Variants in SNRNP27 observed in about 807,000 individuals in gnomAD.
SNRNP27 encodes the protein U4/U6.U5 small nuclear ribonucleoprotein 27 kDa protein.
Under a neutral mutation model 25.1 loss-of-function variants are expected in SNRNP27, and 22 were observed. The ratio of observed to expected loss-of-function variants is 0.88; its 90% CI spans 0.63 to 1.25. The LOEUF (loss-of-function observed/expected upper bound fraction) is 1.25, where lower values mean the gene tolerates loss of function less well. Among genes scored for constraint, SNRNP27 ranks in the 50% most tolerant of loss-of-function variants. The pLI, the probability that SNRNP27 is intolerant of heterozygous loss-of-function variation, is 0.00. For synonymous variants in SNRNP27, 66 were observed against 64.9 expected (o/e 1.02, Z -0.08); for missense variants, 150 against 202.3 (o/e 0.74, Z 1.57).
At chr2:69,899,434 A>T (rs1438969210) in intron 4 of SNRNP27, among the ~76,000 whole-genome samples, 3 of 150,906 alleles carry the variant, frequency 2.0e-5, no homozygotes, top group African/African-American at 7.3e-5. Context: ...TTTTTATTTT[A>T]ATTTTATTTT....
At chr2:69,896,259 T>TAA (rs1426898633) in intron 2 of SNRNP27, among the ~76,000 whole-genome samples, 177 bp from the exon 3 acceptor site, 2 of 152,240 alleles carry the variant, frequency 1.3e-5, no homozygotes, top group African/African-American at 2.4e-5. Flanking sequence ...GATTAAGCAG[T>TAA]AAACTACATT....
chr2:69,895,972 T>G (rs1055841120), intron 2 of SNRNP27, among the ~76,000 whole-genome samples: 1 of 111,378 alleles, frequency 9.0e-6, no homozygotes, highest in Non-Finnish European at 1.7e-5. Context: ...TTTTTTTGGT[T>G]TGTTTTTTTT....
At chr2:69,902,259 C>G (rs1676712744) in intron 4 of SNRNP27, among the ~76,000 whole-genome samples, 1 of 148,134 alleles carries the variant, frequency 6.8e-6, no homozygotes, top group Non-Finnish European at 1.5e-5. Flanking sequence ...CTCCTTCCTT[C>G]TTTCTTCTCC....
intron 2 of SNRNP27, 70 bp downstream of exon 2, chr2:69,895,284 C>T (rs1354106787): frequency 6.4e-7 from 1 of 1,565,486 alleles, no homozygotes. Context: ...CAGCTCTTAA[C>T]TTTGTTTTCA....
chr2:69,893,980 T>A lies in SNRNP27; in HGVS notation c.-5T>A. ...CACAGTTGTTTCCGGGAAGCGGGAC[T>A]CCAAATGGGTCGCAGTCGCAGCCGC... is the stretch of plus-strand genomic sequence containing the variant. On this transcript the variant is annotated 5_prime_UTR_variant, in exon 1 of 6. Transcript: ENST00000244227. The A allele has an allele frequency of 6.2e-7, 1 of 1,614,048 alleles. No individual in the cohort carries two copies. Among genetic ancestry groups the A allele is most frequent in the Non-Finnish European group, 8.5e-7 (1 of 1,179,930 alleles).
intron 4 of SNRNP27, among the ~76,000 whole-genome samples, chr2:69,900,396 A>G (rs912028235): frequency 9.2e-5 from 14 of 152,196 alleles, no homozygotes; most frequent in Non-Finnish European, 2.1e-4. Context: ...TGTGCCCAAG[A>G]CCAGTCTTTC....
rs867609197 is a variant in SNRNP27, at chr2:69,904,541, C to T, written c.*233C>T. 3 of 590,610 alleles carry T rather than the reference C, an allele frequency of 5.1e-6. No homozygotes were observed. The African/African-American group carries it at 5.7e-5, about 11-fold the overall frequency. The allele number at this position is 590,610 out of a possible 1,614,324, so 36.6% of individuals were successfully genotyped here. On this transcript the variant is annotated 3_prime_UTR_variant, in exon 6 of 6. Coordinates refer to ENST00000244227, the MANE Select transcript of SNRNP27 (RefSeq NM_006857.3). ...TATCATTTGTGGCAGGCGTCAACCC[C>T]ATTTTATTTGTCCTTATTCCTGTGG... is the stretch of plus-strand genomic sequence containing the variant.
Position 69,905,232 on chromosome 2 carries a change from A to G in SNRNP27, c.*924A>G, listed in dbSNP as rs1022760748. The G allele has an allele frequency of 3.3e-5, 5 of 152,192 alleles. No homozygotes were observed. The highest frequency in any genetic ancestry group is 7.4e-5 in the Non-Finnish European group (5 of 68,024). 9.4% of individuals were successfully genotyped at this position (152,192 alleles called of 1,614,324 possible). A position where few individuals can be genotyped will look rare whatever the true frequency, so the allele number is the denominator to read the frequency against. The stretch of plus-strand genomic sequence containing the variant: ...TGTGACTACTATCTGTCTCCATTAC[A>G]TACATATTTTTGTATGTTTCATTAT... On this transcript the variant is annotated 3_prime_UTR_variant, in exon 6 of 6. Transcript: ENST00000244227.
At chr2:69,898,851 A>C (rs764366451) in intron 4 of SNRNP27, among the ~76,000 whole-genome samples, 13 of 152,216 alleles carry the variant, frequency 8.5e-5, no homozygotes, top group Non-Finnish European at 1.6e-4. Flanking sequence ...TTTATTTTCC[A>C]AAGACTATTT....
intron 4 of SNRNP27, among the ~76,000 whole-genome samples, chr2:69,899,468 T>G (rs1410467720): frequency 1.3e-5 from 2 of 152,184 alleles, no homozygotes; most frequent in Non-Finnish European, 2.9e-5. Context: ...CTCGCTCTGT[T>G]GTCCAGGCTG....
chr2:69,900,500 A>G (rs1676675149), intron 4 of SNRNP27, among the ~76,000 whole-genome samples: 2 of 152,250 alleles, frequency 1.3e-5, no homozygotes. Context: ...AAAAAAATAC[A>G]TGAAAATAGG....
At chr2:69,902,500 G>T (rs558668728) in intron 4 of SNRNP27, among the ~76,000 whole-genome samples, 1 of 151,736 alleles carries the variant, frequency 6.6e-6, no homozygotes, top group African/African-American at 2.4e-5. Flanking sequence ...CTCTGCTGCT[G>T]CTGCTGCTTG....
At chr2:69,898,703 G>A (rs1558561533) in intron 4 of SNRNP27, among the ~76,000 whole-genome samples, 2 of 152,102 alleles carry the variant, frequency 1.3e-5, no homozygotes, top group East Asian at 3.8e-4. Flanking sequence ...GTGTAACTTA[G>A]GAGTACTGAG....
At chr2:69,895,975 T>G (rs1676592855) in intron 2 of SNRNP27, among the ~76,000 whole-genome samples, 1 of 33,440 alleles carries the variant, frequency 3.0e-5, no homozygotes, top group African/African-American at 6.8e-4. Flanking sequence ...TTTTGGTTTG[T>G]TTTTTTTTTT....
At chr2:69,896,675 G>GT (rs1676607855) in intron 3 of SNRNP27, 127 bp downstream of exon 3, 69 of 903,342 alleles carry the variant, frequency 7.6e-5, no homozygotes, top group African/African-American at 6.3e-4. Context: ...AGTTTTTTTT[G>GT]GTTTTTTTTT....
At chr2:69,900,695 C>T (rs778722029) in intron 4 of SNRNP27, among the ~76,000 whole-genome samples, 1 of 152,112 alleles carries the variant, frequency 6.6e-6, no homozygotes, top group Non-Finnish European at 1.5e-5. Flanking sequence ...AGGTGGGGGT[C>T]ACTTGTATGT....
intron 5 of SNRNP27, 121 bp downstream of exon 5, chr2:69,903,366 A>G (rs1676742365): frequency 4.0e-6 from 3 of 757,740 alleles, no homozygotes; most frequent in Admixed American, 2.1e-5. Context: ...CCTTGTTTGA[A>G]TGAAATATTC....
At chr2:69,902,698 T>G (rs532271943) in intron 4 of SNRNP27, among the ~76,000 whole-genome samples, 3 of 152,034 alleles carry the variant, frequency 2.0e-5, no homozygotes, top group South Asian at 2.1e-4. Flanking sequence ...TGCTCTTGCT[T>G]CTTCTTCTGC....
rs539417887 is a variant in SNRNP27, at chr2:69,898,500, T to C, written c.348+1044T>C. The stretch of plus-strand genomic sequence containing the variant: ...AACATATTTTTTAAAATCTCTTTTC[T>C]AGAATTTTAAGTCTTTCCATTTAGT... On this transcript the variant is annotated intron_variant, in intron 4 of 5. Coordinates refer to ENST00000244227, the MANE Select transcript of SNRNP27 (RefSeq NM_006857.3). Among the ~76,000 whole-genome samples the C allele has an allele frequency of 2.0e-5, 3 of 152,350 alleles. No individual in the cohort carries two copies. The South Asian group carries it at 6.2e-4, about 32-fold the overall frequency.
Sources: gnomAD v4.1 joint callset for allele counts (sites outside exome capture counted in the v4.1 genomes callset) on GRCh38, gnomAD v4.1.1 for gene constraint, MANE v1.5 for transcripts, NCBI Gene and HGNC (gene_info 2026-07-23, HGNC 2026-07-21) for gene names.